Variants in ZNF676 observed in about 807,000 individuals in gnomAD.
ZNF676 encodes zinc finger protein 676.
In ZNF676, 4 loss-of-function variants were observed where a neutral mutation model predicts 6.0. That is an observed-to-expected ratio of 0.67 (90% CI 0.33 to 1.53). The LOEUF is 1.53. Among genes scored for constraint, ZNF676 ranks in the 40% most tolerant of loss-of-function variants. The pLI, the probability that ZNF676 is intolerant of heterozygous loss-of-function variation, is 0.06. For missense variants in ZNF676, 644 were observed against 679.7 expected (o/e 0.95, Z 0.58); for synonymous variants, 198 against 223.1 (o/e 0.89, Z 1.00).
rs1377226068 is a variant in ZNF676 at position 22,193,077 on chromosome 19, A to T, written c.69T>A (p.Phe23Leu). The change falls in exon 2 of 3, where the codon TTT becomes TTA. Residue 23 changes from phenylalanine (F) to leucine (L), a missense_variant. Coordinates refer to ENST00000397121, the MANE Select transcript of ZNF676 (RefSeq NM_001001411.3). ...TCCAGGGCTCTTTTCCTTGCTCCAG[A>T]AAAATGATCAGGTCTGGCTTAAAGG... ...IAAFKPDLIIFLEQGKEPWNM... is the reference protein window; with the variant it reads ...IAAFKPDLIILLEQGKEPWNM... 6.2e-7 allele frequency: 1 copy of T among 1,609,084 alleles called. No individual in the cohort carries two copies. Among genetic ancestry groups the T allele is most frequent in the Non-Finnish European group, 8.5e-7 (1 of 1,178,164 alleles).
the ZNF676 span, among the ~76,000 whole-genome samples, chr19:22,234,161 G>T: frequency 6.6e-6 from 1 of 152,180 alleles, no homozygotes; most frequent in African/African-American, 2.4e-5. Flanking sequence ...GTCTTTCAGG[G>T]ATGTCCTAGA....
chr19:22,215,797 TC>T (rs58901355), upstream of ZNF676: 13,392 of 544,762 alleles, frequency 0.025, 302 homozygotes, highest in African/African-American at 0.1. Context: ...AGCCGACCTG[TC>T]CCCCCCCCCA....
chr19:22,258,986 C>T, the ZNF676 span, among the ~76,000 whole-genome samples: 570 of 152,286 alleles, frequency 3.7e-3, 2 homozygotes, highest in African/African-American at 0.013. Context: ...GTCCTGCACG[C>T]TGGGTGTCCT....
At position 22,179,834 on chromosome 19, in the gene ZNF676, A is replaced by C; in HGVS notation, c.*116T>G. 1 of 1,166,468 alleles carries C rather than the reference A, an allele frequency of 8.6e-7. No individual in the cohort carries two copies. The allele number at this position is 1,166,468 out of a possible 1,614,324, so 72.3% of individuals were successfully genotyped here. On this transcript the variant is annotated 3_prime_UTR_variant, in exon 3 of 3. Coordinates refer to ENST00000397121, the MANE Select transcript of ZNF676 (RefSeq NM_001001411.3). The stretch of plus-strand genomic sequence containing the variant: ...TTCTTATGTGTAATAAAGATTGAGG[A>C]CTGTTTAAAAGCTTTGCCACATTCT...
chr19:22,207,983 T>TAAAA (rs59890557), intron 1 of ZNF676, among the ~76,000 whole-genome samples: 4 of 129,206 alleles, frequency 3.1e-5, no homozygotes, highest in African/African-American at 1.1e-4. Context: ...TTAAAAATTA[T>TAAAA]AAAAAAAAAA....
rs149465013 is a variant in ZNF676, at chr19:22,207,712, G to A, written c.3+7920C>T. On this transcript the variant is annotated intron_variant, in intron 1 of 3. Coordinates refer to the ZNF676 transcript ENST00000650058. ...CTTCAAACTACACAACAGTGCTACA[G>A]TAAACAAAGCAACATGGTACTGGTA... 5.2e-3 allele frequency among the ~76,000 whole-genome samples: 793 copies of A among 152,288 alleles called. 8 individuals carry two copies. Among genetic ancestry groups the A allele is most frequent in the African/African-American group, 0.018 (758 of 41,560 alleles).
At chr19:22,233,461 TG>T in the ZNF676 span, among the ~76,000 whole-genome samples, 2 of 152,268 alleles carry the variant, frequency 1.3e-5, no homozygotes, top group Admixed American at 6.5e-5. Context: ...CACGTAGCTT[TG>T]TCCTGGCATA....
chr19:22,208,679 C>T (rs1231339074), intron 1 of ZNF676, among the ~76,000 whole-genome samples: 1 of 152,160 alleles, frequency 6.6e-6, no homozygotes, highest in East Asian at 1.9e-4. Flanking sequence ...GGCATGATGG[C>T]ACATGTCTGT....
At chr19:22,203,616 T>G (rs2024047999) in intron 1 of ZNF676, 2 of 152,234 alleles carry the variant, frequency 1.3e-5, no homozygotes, top group Non-Finnish European at 2.9e-5. Context: ...TTTTTTGAGA[T>G]GGAGTTTCAT....
At chr19:22,220,930 T>C in the ZNF676 span, among the ~76,000 whole-genome samples, 2 of 152,228 alleles carry the variant, frequency 1.3e-5, no homozygotes, top group Non-Finnish European at 2.9e-5. Context: ...AATGATCTTT[T>C]ATTTCTAATT....
intron 2 of ZNF676, among the ~76,000 whole-genome samples, chr19:22,183,754 A>G (rs540558873): frequency 6.6e-6 from 1 of 152,366 alleles, no homozygotes; most frequent in Admixed American, 6.5e-5. Flanking sequence ...TCATGCAAAT[A>G]TTAGTCAAGT....
At chr19:22,181,635 A>C (rs2023755058) in intron 2 of ZNF676, 49 bp from the exon 3 acceptor site, 2 of 1,388,170 alleles carry the variant, frequency 1.4e-6, no homozygotes, top group East Asian at 5.0e-5. Context: ...AGACTCAGAT[A>C]AGTACAGTTT....
intron 1 of ZNF676, among the ~76,000 whole-genome samples, chr19:22,204,855 CA>C (rs1474969737): frequency 6.6e-6 from 1 of 152,074 alleles, no homozygotes; most frequent in Admixed American, 6.6e-5. Flanking sequence ...AAAAGAATGA[CA>C]AAAGGTTTGT....
chr19:22,254,957 C>A, the ZNF676 span, among the ~76,000 whole-genome samples: 76 of 152,306 alleles, frequency 5.0e-4, 3 homozygotes, highest in Admixed American at 4.3e-3. Flanking sequence ...CTGTATGATA[C>A]AATCACACAT....
At chr19:22,202,367 A>G (rs2024034720) in intron 1 of ZNF676, among the ~76,000 whole-genome samples, 1 of 152,204 alleles carries the variant, frequency 6.6e-6, no homozygotes, top group Non-Finnish European at 1.5e-5. Flanking sequence ...AGAGGATGAT[A>G]GATACCAAGT....
chr19:22,258,670 A>C, the ZNF676 span, among the ~76,000 whole-genome samples: 1 of 152,102 alleles, frequency 6.6e-6, no homozygotes. Context: ...GGCCCATGTA[A>C]GGCACAGGCA....
intron 2 of ZNF676, 95 bp downstream of exon 2, chr19:22,192,921 C>T (rs1040340936): frequency 2.2e-5 from 29 of 1,316,162 alleles, no homozygotes; most frequent in Non-Finnish European, 3.0e-6. Context: ...GAAACAACTA[C>T]TTTTGGAACA....
At chr19:22,230,588 G>A in the ZNF676 span, among the ~76,000 whole-genome samples, 1 of 150,992 alleles carries the variant, frequency 6.6e-6, no homozygotes, top group Non-Finnish European at 1.5e-5. Context: ...ATCTATATAT[G>A]AATGCATATA....
At chr19:22,208,750 C>T (rs1444853037) in intron 1 of ZNF676, among the ~76,000 whole-genome samples, 8 of 152,040 alleles carry the variant, frequency 5.3e-5, no homozygotes, top group Non-Finnish European at 7.4e-5. Flanking sequence ...TTGAGACCGG[C>T]ATGGACAACA....
Sources: allele counts gnomAD v4.1 joint callset (sites outside exome capture counted in the v4.1 genomes callset), GRCh38; gene constraint gnomAD v4.1.1; transcripts MANE v1.5; gene names NCBI Gene and HGNC (gene_info 2026-07-23, HGNC 2026-07-21).